The following TRPM6 variants were observed in gnomAD, a reference collection of about 807,000 sequenced individuals.
The protein encoded by TRPM6 is transient receptor potential cation channel subfamily M member 6.
In TRPM6, 111 loss-of-function variants were observed where a neutral mutation model predicts 247.6. The observed-to-expected ratio is 0.45, with a 90% confidence interval of 0.38 to 0.52. The LOEUF (loss-of-function observed/expected upper bound fraction) is 0.52, where lower values mean the gene tolerates loss of function less well. Among genes scored for constraint, TRPM6 ranks in the 20% least tolerant of loss-of-function variants. The probability of loss-of-function intolerance (pLI) is 0.00; values close to 1 mark genes in which losing one functional copy is unlikely to be tolerated. For synonymous variants in TRPM6, 892 were observed against 853.8 expected, an observed-to-expected ratio of 1.04 and a Z score of -0.78; for missense variants, 2,126 against 2,421.5, an observed-to-expected ratio of 0.88 and a Z score of 2.56.
intron 3 of TRPM6, among the ~76,000 whole-genome samples, chr9:74,849,195 C>A (rs1410196800): frequency 2.0e-5 from 3 of 151,790 alleles, no homozygotes; most frequent in Non-Finnish European, 4.4e-5. Flanking sequence ...ACTAAAAATA[C>A]AAAAAATTAG....
In TRPM6 at chr9:74,842,268, T is replaced by G. The variant is rs767476501; in HGVS notation, c.228A>C (p.Lys76Asn). Residue 76 changes from lysine (K) to asparagine (N), a missense_variant, in exon 4 of 39, where the codon AAA becomes AAC. This residue lies in a region of TRPM6 where 1,082 missense variants were observed against 1,307.9 expected (regional missense o/e 0.83). Transcript: ENST00000360774. Reference protein sequence around the residue: ...YSWTISAAKGKESEQWSVEKH... With the variant: ...YSWTISAAKGNESEQWSVEKH... ...TTTCAACAGACCATTGTTCACTTTC[T>G]TTACCCTTGGCAGCTGAGATGGTCC... The G allele has an allele frequency of 6.2e-7, 1 of 1,614,178 alleles. No homozygotes were observed. Among genetic ancestry groups the G allele is most frequent in the Non-Finnish European group, 8.5e-7 (1 of 1,180,016 alleles).
At chr9:74,832,800 C>A (rs1301497319) in intron 6 of TRPM6, among the ~76,000 whole-genome samples, 6 of 152,140 alleles carry the variant, frequency 3.9e-5, no homozygotes, top group Non-Finnish European at 8.8e-5. Context: ...CCTGTAATCC[C>A]AGCACTTTGG....
intron 13 of TRPM6, among the ~76,000 whole-genome samples, chr9:74,808,527 C>T (rs1448523213): frequency 6.6e-6 from 1 of 151,918 alleles, no homozygotes; most frequent in African/African-American, 2.4e-5. Flanking sequence ...TATTGAGTTC[C>T]TAATTGGAAG....
At chr9:74,754,726 A>T (rs1826377559) in intron 28 of TRPM6, among the ~76,000 whole-genome samples, 1 of 152,166 alleles carries the variant, frequency 6.6e-6, no homozygotes, top group Non-Finnish European at 1.5e-5. Context: ...AAATTGGTAA[A>T]TGTCTCTTAT....
intron 1 of TRPM6, among the ~76,000 whole-genome samples, chr9:74,876,327 A>G (rs1261202146): frequency 6.6e-6 from 1 of 152,148 alleles, no homozygotes; most frequent in Non-Finnish European, 1.5e-5. Flanking sequence ...CACGTGATCC[A>G]CCCACCTCAG....
chr9:74,875,412 G>T (rs1022355662), intron 1 of TRPM6: 13 of 326,568 alleles, frequency 4.0e-5, no homozygotes, highest in Non-Finnish European at 8.2e-5. Flanking sequence ...ACGTGGTGGC[G>T]CACGCCTATA....
intron 23 of TRPM6, among the ~76,000 whole-genome samples, chr9:74,778,870 A>T (rs1827319376): frequency 6.6e-6 from 1 of 152,024 alleles, no homozygotes; most frequent in Admixed American, 6.6e-5. Context: ...ACCCCTAGTG[A>T]CTGGGAGTGC....
chr9:74,826,726 CTTTTTCTTTCTTTTTTTTT>C (rs1564032401), intron 7 of TRPM6: 1 of 121,102 alleles, frequency 8.3e-6, no homozygotes, highest in Non-Finnish European at 1.7e-5. Context: ...ATTTCTTTTT[CTTTTTCTTTCTTTTTTTTT>C]TTTTTTTTTT....
intron 3 of TRPM6, among the ~76,000 whole-genome samples, chr9:74,850,811 T>C (rs1830282227): frequency 6.6e-6 from 1 of 152,216 alleles, no homozygotes; most frequent in Non-Finnish European, 1.5e-5. Context: ...GGAGGCACAG[T>C]AATCCCAAAT....
intron 1 of TRPM6, among the ~76,000 whole-genome samples, chr9:74,870,664 C>T (rs1479247840): frequency 6.6e-6 from 1 of 152,176 alleles, no homozygotes; most frequent in African/African-American, 2.4e-5. Context: ...TGGCTCACGC[C>T]TGTAATCCCT....
intron 8 of TRPM6, among the ~76,000 whole-genome samples, chr9:74,821,375 A>G (rs1010383644): frequency 1.3e-5 from 2 of 152,116 alleles, no homozygotes; most frequent in African/African-American, 4.8e-5. Context: ...TGTAATGGCC[A>G]ATTGCTCAAG....
chr9:74,744,318 C>G (rs1825963413), intron 31 of TRPM6, 173 bp from the exon 32 acceptor site: 1 of 687,554 alleles, frequency 1.5e-6, no homozygotes, highest in Non-Finnish European at 2.6e-6. Flanking sequence ...GGTATCCTGA[C>G]AGCTTCCAAT....
At chr9:74,744,053 C>T (rs144525211) in intron 32 of TRPM6, 42 bp downstream of exon 32, 227 of 1,592,430 alleles carry the variant, frequency 1.4e-4, no homozygotes, top group East Asian at 2.5e-4. Context: ...GAAGCACAGA[C>T]ATTTAGCTCA....
At position 74,804,856 on chromosome 9, in the gene TRPM6, G is replaced by A. The variant is rs150118497; in HGVS notation, c.1639-970C>T. The A allele has an allele frequency of 2.9e-4, 120 of 415,604 alleles. 1 individual carries two copies. Among genetic ancestry groups the A allele is most frequent in the African/African-American group, 2.2e-3 (110 of 49,068 alleles). 25.7% of individuals were successfully genotyped at this position (415,604 alleles called of 1,614,324 possible). A position where few individuals can be genotyped will look rare whatever the true frequency, so the allele number is the denominator to read the frequency against. ...TCAGTTTCTAAAAAAAGAAAAGTCC[G>A]AAGCACAAAAAATCCCAAAATATGC... On this transcript the variant is annotated intron_variant, in intron 14 of 38. Transcript: ENST00000360774.
chr9:74,815,047 G>T (rs541789607), intron 11 of TRPM6, among the ~76,000 whole-genome samples: 1 of 152,256 alleles, frequency 6.6e-6, no homozygotes, highest in East Asian at 1.9e-4. Flanking sequence ...GGAGGAAAGA[G>T]ATAAGAATAT....
At chr9:74,774,188 AACTTT>A (rs1827138570) in intron 24 of TRPM6, among the ~76,000 whole-genome samples, 1 of 152,216 alleles carries the variant, frequency 6.6e-6, no homozygotes, top group African/African-American at 2.4e-5. Flanking sequence ...ATTCATTTTA[AACTTT>A]ACTTGAGTTT....
intron 16 of TRPM6, among the ~76,000 whole-genome samples, chr9:74,800,911 T>TTG (rs1554708855): frequency 1.3e-5 from 2 of 151,324 alleles, no homozygotes; most frequent in African/African-American, 4.9e-5. Context: ...TGTGTTTTTT[T>TTG]TTTTTTTTTT....
chr9:74,740,149 A>G, intron 33 of TRPM6, 140 bp from the exon 34 acceptor site: 1 of 951,746 alleles, frequency 1.1e-6, no homozygotes, highest in Non-Finnish European at 1.6e-6. Flanking sequence ...ACAGAACAGA[A>G]TAAGGACATG....
intron 25 of TRPM6, among the ~76,000 whole-genome samples, chr9:74,765,111 G>A (rs1468704658): frequency 6.6e-6 from 1 of 152,112 alleles, no homozygotes; most frequent in Non-Finnish European, 1.5e-5. Context: ...TGCTAAAGCA[G>A]ACAGATATGT....
Sources: gnomAD v4.1 joint callset for allele counts (sites outside exome capture counted in the v4.1 genomes callset) on GRCh38, gnomAD v4.1.1 for gene constraint, gnomAD v4.1.1 regional missense constraint, MANE v1.5 for transcripts, NCBI Gene and HGNC (gene_info 2026-07-23, HGNC 2026-07-21) for gene names.